The following RNF38 variants were observed in gnomAD, a reference collection of about 807,000 sequenced individuals.
RNF38 encodes the protein ring finger protein 38, also known as E3 ubiquitin-protein ligase RNF38.
A neutral mutation model predicts 67.2 loss-of-function variants in RNF38; 15 were observed. The observed-to-expected ratio is 0.22, with a 90% CI of 0.15 to 0.34. RNF38 has a LOEUF of 0.34. RNF38 is among the 10% of genes least tolerant of loss of function. The pLI is 1.00. For synonymous variants in RNF38, 220 were observed against 218.8 expected, an observed-to-expected ratio of 1.01 and a Z score of -0.05; for missense variants, 524 against 639.9, an observed-to-expected ratio of 0.82 and a Z score of 1.95.
chr9:36,479,050 A>C (rs1175022645), intron 1 of RNF38, among the ~76,000 whole-genome samples: 2 of 152,148 alleles, frequency 1.3e-5, no homozygotes, highest in East Asian at 3.9e-4. Context: ...TTATAATTTA[A>C]AACTCTGAAA....
intron 1 of RNF38, among the ~76,000 whole-genome samples, chr9:36,397,153 T>G (rs1288102527): frequency 6.7e-6 from 1 of 148,826 alleles, no homozygotes; most frequent in African/African-American, 2.5e-5. Context: ...CAGGGTGGAG[T>G]GCAGTGGCGC....
chr9:36,387,860 A>C (rs189431236), intron 2 of RNF38, among the ~76,000 whole-genome samples: 21 of 152,256 alleles, frequency 1.4e-4, no homozygotes, highest in Admixed American at 8.5e-4. Context: ...CACTGCCTGT[A>C]ATAGCATTAA....
intron 8 of RNF38, among the ~76,000 whole-genome samples, chr9:36,351,788 C>T (rs965024008): frequency 8.5e-5 from 13 of 152,112 alleles, no homozygotes; most frequent in African/African-American, 3.1e-4. Context: ...GATACAGAGG[C>T]AGGGGTTATA....
At chr9:36,351,983 G>C (rs564581798) in intron 8 of RNF38, among the ~76,000 whole-genome samples, 1 of 152,138 alleles carries the variant, frequency 6.6e-6, no homozygotes, top group Non-Finnish European at 1.5e-5. Context: ...CCTACTTCTA[G>C]ACTTTATTAT....
intron 1 of RNF38, among the ~76,000 whole-genome samples, chr9:36,465,496 G>A (rs1320019666): frequency 6.6e-6 from 1 of 152,046 alleles, no homozygotes; most frequent in African/African-American, 2.4e-5. Context: ...ACAGGCATAC[G>A]CCACCACGCC....
At chr9:36,442,539 T>C (rs1218214966) in intron 1 of RNF38, among the ~76,000 whole-genome samples, 2 of 152,176 alleles carry the variant, frequency 1.3e-5, no homozygotes, top group South Asian at 2.1e-4. Context: ...CCCAGCACTT[T>C]GGGAGGCCGA....
chr9:36,460,319 T>G (rs920894999), intron 1 of RNF38, among the ~76,000 whole-genome samples: 3 of 152,076 alleles, frequency 2.0e-5, no homozygotes, highest in Admixed American at 1.3e-4. Context: ...AATTTAAACT[T>G]TACACAACAA....
chr9:36,379,172 T>A (rs556195465), intron 2 of RNF38, among the ~76,000 whole-genome samples: 2 of 152,314 alleles, frequency 1.3e-5, no homozygotes, highest in Non-Finnish European at 2.9e-5. Flanking sequence ...AGTGTTGGGA[T>A]TACAGGCGTG....
At chr9:36,342,835 T>C (rs370267335) in intron 10 of RNF38, among the ~76,000 whole-genome samples, 1 of 152,162 alleles carries the variant, frequency 6.6e-6, no homozygotes, top group African/African-American at 2.4e-5. Flanking sequence ...TTTCATGACC[T>C]TGGATTAGAC....
intron 4 of RNF38, among the ~76,000 whole-genome samples, chr9:36,363,186 G>GC (rs1330378875): frequency 2.0e-5 from 2 of 99,626 alleles, no homozygotes; most frequent in African/African-American, 6.1e-5. Flanking sequence ...GGATCCTCCA[G>GC]CCTCCGCCTC....
At chr9:36,424,561 A>T in intron 2 of RNF38, 1 of 785,780 alleles carries the variant, frequency 1.3e-6, no homozygotes, top group South Asian at 5.8e-5. Context: ...GAATCCAGCA[A>T]CGTAAGGTTG....
At chr9:36,347,763 CAT>C (rs1833382263) in intron 9 of RNF38, among the ~76,000 whole-genome samples, 2 of 152,180 alleles carry the variant, frequency 1.3e-5, no homozygotes, top group African/African-American at 4.8e-5. Context: ...GGAAGAGTCA[CAT>C]GTGTCTCACT....
chr9:36,355,725 G>C (rs147481801), intron 6 of RNF38, among the ~76,000 whole-genome samples: 173 of 152,234 alleles, frequency 1.1e-3, no homozygotes, highest in African/African-American at 4.0e-3. Flanking sequence ...TTAGACAAGT[G>C]ACATTAAAAT....
intron 1 of RNF38, among the ~76,000 whole-genome samples, chr9:36,483,012 G>C (rs1463677668): frequency 2.0e-5 from 3 of 152,196 alleles, no homozygotes; most frequent in African/African-American, 7.2e-5. Flanking sequence ...GTACAGAATA[G>C]ATTTCCACCC....
At chr9:36,348,428 G>A (rs750465528) in intron 9 of RNF38, among the ~76,000 whole-genome samples, 5 of 152,080 alleles carry the variant, frequency 3.3e-5, no homozygotes, top group Non-Finnish European at 4.4e-5. Flanking sequence ...AGCGGAGTTC[G>A]TGGCAATACA....
intron 2 of RNF38, among the ~76,000 whole-genome samples, chr9:36,415,598 C>G (rs149312910): frequency 1.3e-3 from 201 of 152,292 alleles, no homozygotes; most frequent in African/African-American, 4.5e-3. Flanking sequence ...TCTTCTGCAT[C>G]TAGCCACCTA....
intron 2 of RNF38, among the ~76,000 whole-genome samples, chr9:36,417,268 C>T (rs1054471082): frequency 1.3e-5 from 2 of 152,098 alleles, no homozygotes; most frequent in African/African-American, 2.4e-5. Context: ...TTCAAAGGGT[C>T]TGTGAATAAT....
rs141144692 is a variant in RNF38, at chr9:36,354,253, C to T, written c.910-922G>A. Among the ~76,000 whole-genome samples the T allele has an allele frequency of 7.3e-3, 1,110 of 152,214 alleles. 16 individuals carry two copies. The highest frequency in any genetic ancestry group is 0.025 in the African/African-American group (1,041 of 41,520). ...TCTTGCCCAGGCTGGAGTGCAGTGGCGCCATCTTGGCTCACTGCAACCTCT... is the reference window on the plus strand; with the variant it reads ...TCTTGCCCAGGCTGGAGTGCAGTGGTGCCATCTTGGCTCACTGCAACCTCT... On this transcript the variant is annotated intron_variant, in intron 6 of 11. Transcript: ENST00000259605.
Position 36,337,623 on chromosome 9 carries a change from G to C in RNF38, c.*2129C>G, listed in dbSNP as rs1248574455. 1 of 152,378 alleles carries C rather than the reference G, an allele frequency of 6.6e-6. No homozygotes were observed. Among genetic ancestry groups the C allele is most frequent in the Non-Finnish European group, 1.5e-5 (1 of 67,978 alleles). 9.4% of individuals were successfully genotyped at this position (152,378 alleles called of 1,614,324 possible). A position where few individuals can be genotyped will look rare whatever the true frequency, so the allele number is the denominator to read the frequency against. On this transcript the variant is annotated 3_prime_UTR_variant, in exon 12 of 12. Coordinates refer to ENST00000259605, the MANE Select transcript of RNF38 (RefSeq NM_022781.5). Reference sequence around the variant, plus strand: ...TTTGCAGCTATATAAAAGTGTATAAGATGGGCTTTTGCCATTTTAAACATG... The same window carrying C: ...TTTGCAGCTATATAAAAGTGTATAACATGGGCTTTTGCCATTTTAAACATG...
Sources: allele counts gnomAD v4.1 joint callset (sites outside exome capture counted in the v4.1 genomes callset), GRCh38; gene constraint gnomAD v4.1.1; transcripts MANE v1.5; gene names NCBI Gene and HGNC (gene_info 2026-07-23, HGNC 2026-07-21).